KALRN: variants seen among roughly 807,000 people sequenced by gnomAD.
KALRN encodes the protein kalirin.
KALRN carries 70 observed loss-of-function variants against 353.7 expected under a neutral mutation model. The observed-to-expected ratio is 0.20, with a 90% CI of 0.16 to 0.24. KALRN has a LOEUF of 0.24. KALRN is among the 10% of genes least tolerant of loss of function. The pLI is 1.00. For missense variants in KALRN, 2,791 were observed against 3,756.7 expected (o/e 0.74, Z 6.72); for synonymous variants, 1,391 against 1,434.8 (o/e 0.97, Z 0.69).
At chr3:124,276,526 C>T (rs1280586706) in intron 5 of KALRN, among the ~76,000 whole-genome samples, 1 of 152,186 alleles carries the variant, frequency 6.6e-6, no homozygotes, top group African/African-American at 2.4e-5. Context: ...TGGACCCTGG[C>T]CCACTGTCTC....
At chr3:124,683,288 G>A (rs116733942) in intron 51 of KALRN, among the ~76,000 whole-genome samples, 421 of 152,206 alleles carry the variant, frequency 2.8e-3, no homozygotes, top group African/African-American at 9.7e-3. Flanking sequence ...TCTCTACCCC[G>A]GTATCTGCAC....
chr3:124,458,334 G>A lies in KALRN; in HGVS notation c.3854+1606G>A, dbSNP rs116612238. Among the ~76,000 whole-genome samples, 1,008 of 146,726 alleles carry A rather than the reference G, an allele frequency of 6.9e-3. 12 individuals carry two copies. The highest frequency in any genetic ancestry group is 0.024 in the African/African-American group (954 of 39,668). On this transcript the variant is annotated intron_variant, in intron 23 of 59. Transcript: ENST00000682506. ...CTTTCTGTTTGTTATTTTCCCTTTC[G>A]TTTCCCTTCCTTTTTTTCCTGTTTG...
chr3:124,592,309 CAAAAAAA>C (rs10575664), intron 34 of KALRN, among the ~76,000 whole-genome samples: 3 of 120,648 alleles, frequency 2.5e-5, no homozygotes, highest in Non-Finnish European at 3.4e-5. Context: ...CTCAAAGAAA[CAAAAAAA>C]AAAAAAAAAA....
rs1054183148 is a variant in KALRN at position 124,113,165 on chromosome 3, C to T, written c.73+79352C>T. Among the ~76,000 whole-genome samples the T allele has an allele frequency of 8.5e-5, 13 of 152,308 alleles. No individual in the cohort carries two copies. The Middle Eastern group carries it at 0.017, about 199-fold the overall frequency. ...CAGCCTGGTTTAGCTCATAGCTCTA[C>T]CACTTACTATTGTGTGACACTGGGC... On this transcript the variant is annotated intron_variant, in intron 1 of 59. Coordinates refer to ENST00000682506, the MANE Select transcript of KALRN (RefSeq NM_001388419.1).
chr3:124,219,721 G>T (rs1012943106), intron 1 of KALRN, among the ~76,000 whole-genome samples: 13 of 152,106 alleles, frequency 8.5e-5, no homozygotes, highest in African/African-American at 2.4e-4. Context: ...GATGCTCCTT[G>T]GTCCATTTGA....
chr3:124,705,822 CCCTTCCTTCCTT>C (rs373858046), intron 57 of KALRN, among the ~76,000 whole-genome samples: 1 of 144,666 alleles, frequency 6.9e-6, no homozygotes, highest in Non-Finnish European at 1.5e-5. Context: ...CTTCCTTCCT[CCCTTCCTTCCTT>C]CCTTCCTTCC....
intron 28 of KALRN, among the ~76,000 whole-genome samples, chr3:124,483,191 A>G (rs1463361586): frequency 1.3e-5 from 2 of 152,228 alleles, no homozygotes; most frequent in African/African-American, 4.8e-5. Context: ...TGGCTCCTAG[A>G]GGCTTTCTTG....
At chr3:124,228,694 G>C (rs1483014333) in intron 2 of KALRN, among the ~76,000 whole-genome samples, 1 of 152,110 alleles carries the variant, frequency 6.6e-6, no homozygotes, top group Non-Finnish European at 1.5e-5. Flanking sequence ...GAGTGTATTA[G>C]TTTCCCATTG....
chr3:124,446,628 G>C, intron 20 of KALRN, 135 bp from the exon 21 acceptor site: 1 of 1,115,002 alleles, frequency 9.0e-7, no homozygotes, highest in East Asian at 2.4e-5. Flanking sequence ...AAACTCCAGA[G>C]CTACATACCA....
At chr3:124,646,431 C>T (rs1357552455) in intron 37 of KALRN, among the ~76,000 whole-genome samples, 3 of 125,260 alleles carry the variant, frequency 2.4e-5, no homozygotes, top group Non-Finnish European at 5.1e-5. Context: ...TGCTGTGTCA[C>T]CCAGTCTGGA....
chr3:124,490,107 A>T (rs1441746424), intron 29 of KALRN, among the ~76,000 whole-genome samples: 1 of 152,112 alleles, frequency 6.6e-6, no homozygotes, highest in Admixed American at 6.5e-5. Context: ...GAAAATACAA[A>T]AATTACCTGG....
chr3:124,091,075 T>C (rs1387961982), intron 1 of KALRN, among the ~76,000 whole-genome samples: 1 of 152,224 alleles, frequency 6.6e-6, no homozygotes, highest in Non-Finnish European at 1.5e-5. Flanking sequence ...TCCCTGGGAA[T>C]GTGTTGCCAC....
intron 34 of KALRN, among the ~76,000 whole-genome samples, chr3:124,597,161 A>C (rs1242668415): frequency 1.3e-5 from 2 of 152,216 alleles, no homozygotes; most frequent in East Asian, 3.8e-4. Context: ...TAATTCCTTA[A>C]TCAAACAGGA....
chr3:124,685,238 CTT>C (rs781020766), intron 51 of KALRN, among the ~76,000 whole-genome samples: 1 of 152,096 alleles, frequency 6.6e-6, no homozygotes, highest in Non-Finnish European at 1.5e-5. Context: ...TCCTGCCTGG[CTT>C]TGTTCTGACT....
chr3:124,085,610 C>G (rs2060771931), intron 1 of KALRN, among the ~76,000 whole-genome samples: 1 of 152,128 alleles, frequency 6.6e-6, no homozygotes. Context: ...CATTCTAGAC[C>G]TTATGAGTAG....
chr3:124,399,003 T>G, intron 13 of KALRN, 132 bp downstream of exon 13: 5 of 848,426 alleles, frequency 5.9e-6, no homozygotes, highest in East Asian at 2.9e-5. Context: ...ACCCAAGAAA[T>G]TCCCAGTCCA....
At chr3:124,517,109 C>T (rs1384580312) in intron 33 of KALRN, among the ~76,000 whole-genome samples, 1 of 152,180 alleles carries the variant, frequency 6.6e-6, no homozygotes, top group Admixed American at 6.5e-5. Context: ...AGCCACCATG[C>T]CCGGCCGTGA....
chr3:124,507,101 T>C (rs2065315343), intron 33 of KALRN, among the ~76,000 whole-genome samples: 2 of 152,154 alleles, frequency 1.3e-5, no homozygotes, highest in South Asian at 4.1e-4. Flanking sequence ...GAAAAATTCT[T>C]CTTGAAAAAG....
At chr3:124,234,341 G>A (rs959990782) in intron 2 of KALRN, among the ~76,000 whole-genome samples, 2 of 152,096 alleles carry the variant, frequency 1.3e-5, no homozygotes, top group Admixed American at 1.3e-4. Flanking sequence ...TCCTGGGATG[G>A]ATGCTTTGAG....
Sources: allele counts gnomAD v4.1 joint callset (sites outside exome capture counted in the v4.1 genomes callset), GRCh38; gene constraint gnomAD v4.1.1; transcripts MANE v1.5; gene names NCBI Gene and HGNC (gene_info 2026-07-23, HGNC 2026-07-21).